Variants in MYO16 observed in about 807,000 individuals in gnomAD.
MYO16 encodes myosin XVI, also known as unconventional myosin-XVI.
Under a neutral mutation model 205.3 loss-of-function variants are expected in MYO16, and 94 were observed. The ratio of observed to expected loss-of-function variants is 0.46; its 90% CI spans 0.39 to 0.54. MYO16 has a LOEUF of 0.54. MYO16 is among the 20% of genes least tolerant of loss of function. MYO16 has a pLI of 0.00. For missense variants in MYO16, 2,315 were observed against 2,387.5 expected, an observed-to-expected ratio of 0.97 and a Z score of 0.63; for synonymous variants, 988 against 954.0, an observed-to-expected ratio of 1.04 and a Z score of -0.66.
At chr13:108,847,997 G>A (rs919492928) in intron 10 of MYO16, among the ~76,000 whole-genome samples, 1 of 152,178 alleles carries the variant, frequency 6.6e-6, no homozygotes, top group East Asian at 1.9e-4. Flanking sequence ...GGAGTAGAGA[G>A]AGAGCGGGAA....
chr13:108,931,742 A>G (rs1004816958), intron 16 of MYO16, among the ~76,000 whole-genome samples: 10 of 152,200 alleles, frequency 6.6e-5, no homozygotes, highest in African/African-American at 2.4e-4. Flanking sequence ...ATCTGTGTAC[A>G]TGGGGGTGGG....
intron 4 of MYO16, among the ~76,000 whole-genome samples, chr13:108,772,771 A>G (rs1886008904): frequency 6.6e-6 from 1 of 152,202 alleles, no homozygotes; most frequent in Admixed American, 6.5e-5. Flanking sequence ...AAGAAGCATG[A>G]TGCCTGTAAC....
At chr13:108,625,782 A>G (rs911421456), upstream of MYO16, among the ~76,000 whole-genome samples, 1 of 152,240 alleles carries the variant, frequency 6.6e-6, no homozygotes, top group Non-Finnish European at 1.5e-5. Flanking sequence ...AATTTTTGTC[A>G]TGACCTACTG....
intron 21 of MYO16, among the ~76,000 whole-genome samples, chr13:109,007,244 T>C (rs1008144902): frequency 1.1e-4 from 17 of 151,660 alleles, no homozygotes; most frequent in African/African-American, 2.4e-4. Context: ...AAAAATTAGC[T>C]GGGTGAGGTG....
At chr13:108,920,718 C>G (rs1306559309) in intron 16 of MYO16, among the ~76,000 whole-genome samples, 3 of 152,208 alleles carry the variant, frequency 2.0e-5, no homozygotes, top group African/African-American at 7.2e-5. Flanking sequence ...CTTGGCCTCC[C>G]AAAGTGCTGA....
chr13:108,682,187 G>A (rs1313896354), intron 2 of MYO16, among the ~76,000 whole-genome samples: 1 of 147,474 alleles, frequency 6.8e-6, no homozygotes. Context: ...TGCAGTCTAT[G>A]GCACAGTGCT....
At chr13:109,158,845 TTGTACATTGCTTGAG>T (rs1185264680) in intron 32 of MYO16, among the ~76,000 whole-genome samples, 2 of 152,166 alleles carry the variant, frequency 1.3e-5, no homozygotes, top group Non-Finnish European at 2.9e-5. Context: ...TGTTAACTGT[TTGTACATTGCTTGAG>T]TCCCTCCCTC....
chr13:108,879,633 T>A (rs1879503267), intron 12 of MYO16, among the ~76,000 whole-genome samples: 2 of 152,272 alleles, frequency 1.3e-5, no homozygotes, highest in South Asian at 4.2e-4. Context: ...GTCCTTGCAA[T>A]AGTTTGCTCA....
At chr13:109,023,235 GATATAA>G (rs1159268821) in intron 23 of MYO16, among the ~76,000 whole-genome samples, 1 of 101,256 alleles carries the variant, frequency 9.9e-6, no homozygotes, top group East Asian at 2.6e-4. Context: ...ATATTATACA[GATATAA>G]ATATATATAT....
the MYO16 span, among the ~76,000 whole-genome samples, chr13:108,569,963 A>G: frequency 1.3e-5 from 2 of 152,206 alleles, no homozygotes; most frequent in African/African-American, 4.8e-5. Context: ...AACAAATTTC[A>G]CATTCCTAGA....
intron 31 of MYO16, among the ~76,000 whole-genome samples, chr13:109,138,752 C>G (rs559937821): frequency 6.6e-6 from 1 of 152,072 alleles, no homozygotes; most frequent in African/African-American, 2.4e-5. Flanking sequence ...TTTAAAGTCT[C>G]TCCATCCACA....
At chr13:108,968,328 G>A (rs1283153198) in intron 20 of MYO16, among the ~76,000 whole-genome samples, 2 of 152,170 alleles carry the variant, frequency 1.3e-5, no homozygotes, top group African/African-American at 2.4e-5. Context: ...TGTAGTAAGA[G>A]GCCAGGCACA....
At chr13:109,088,834 T>A (rs1271769465) in intron 27 of MYO16, among the ~76,000 whole-genome samples, 1 of 152,144 alleles carries the variant, frequency 6.6e-6, no homozygotes, top group Non-Finnish European at 1.5e-5. Flanking sequence ...CAGACGATGG[T>A]GAACAGCCCC....
At chr13:109,077,556 T>C (rs554592755) in intron 27 of MYO16, among the ~76,000 whole-genome samples, 10 of 152,338 alleles carry the variant, frequency 6.6e-5, no homozygotes, top group Admixed American at 4.6e-4. Flanking sequence ...TCACGTCATT[T>C]GTGGAAGGCA....
At chr13:108,935,816 AG>A (rs764934107) in intron 16 of MYO16, among the ~76,000 whole-genome samples, 24 of 148,332 alleles carry the variant, frequency 1.6e-4, no homozygotes, top group African/African-American at 3.7e-4. Context: ...TAGTTTCTTG[AG>A]GGTTTTTTTT....
intron 11 of MYO16, among the ~76,000 whole-genome samples, chr13:108,859,665 A>G (rs1878361324): frequency 6.6e-6 from 1 of 152,222 alleles, no homozygotes; most frequent in Admixed American, 6.5e-5. Flanking sequence ...GGAAATGCAC[A>G]GAATACAAGC....
At chr13:108,947,652 C>T (rs1174573845) in intron 16 of MYO16, among the ~76,000 whole-genome samples, 1 of 152,196 alleles carries the variant, frequency 6.6e-6, no homozygotes, top group Non-Finnish European at 1.5e-5. Context: ...CCAGGGCCTT[C>T]TGTGCAAGAC....
chr13:108,852,456 C>T (rs1877927981), intron 10 of MYO16, among the ~76,000 whole-genome samples: 1 of 152,152 alleles, frequency 6.6e-6, no homozygotes, highest in African/African-American at 2.4e-5. Context: ...AACTACATGT[C>T]CTCTCTGGGC....
intron 4 of MYO16, among the ~76,000 whole-genome samples, chr13:108,771,656 C>T (rs1024230431): frequency 9.2e-5 from 14 of 152,118 alleles, no homozygotes. Flanking sequence ...TGATCACCAC[C>T]CGACCCATCT....
Sources: allele counts gnomAD v4.1 joint callset (sites outside exome capture counted in the v4.1 genomes callset), GRCh38; gene constraint gnomAD v4.1.1; transcripts MANE v1.5; gene names NCBI Gene and HGNC (gene_info 2026-07-23, HGNC 2026-07-21).